The following CCDC171 variants were observed in gnomAD, a reference collection of about 807,000 sequenced individuals.
The protein encoded by CCDC171 is coiled-coil domain containing 171, also known as coiled-coil domain-containing protein 171.
CCDC171 carries 177 observed loss-of-function variants against 168.2 expected under a neutral mutation model. The observed-to-expected ratio is 1.05, with a 90% CI of 0.93 to 1.19. The LOEUF is 1.19. Among genes scored for constraint, CCDC171 ranks in the 50% most tolerant of loss-of-function variants. CCDC171 has a pLI of 0.00. For synonymous variants in CCDC171, 687 were observed against 540.8 expected, an observed-to-expected ratio of 1.27 and a Z score of -3.75; for missense variants, 1,991 against 1,539.0, an observed-to-expected ratio of 1.29 and a Z score of -4.91.
intron 10 of CCDC171, among the ~76,000 whole-genome samples, chr9:15,688,472 A>T (rs937475469): frequency 6.6e-6 from 1 of 152,190 alleles, no homozygotes; most frequent in South Asian, 2.1e-4. Flanking sequence ...AATTCTCAAA[A>T]CTATACTAGC....
At chr9:15,635,735 A>G (rs546207589) in intron 7 of CCDC171, among the ~76,000 whole-genome samples, 1 of 152,350 alleles carries the variant, frequency 6.6e-6, no homozygotes, top group Non-Finnish European at 1.5e-5. Context: ...GCCATAATGA[A>G]TAATGCCACC....
At chr9:16,033,360 C>T (rs1456778764) in intron 6 of CCDC171, among the ~76,000 whole-genome samples, 2 of 152,190 alleles carry the variant, frequency 1.3e-5, no homozygotes, top group African/African-American at 4.8e-5. Context: ...CACTCTCCAT[C>T]GCTCACATTA....
chr9:16,054,203 C>A (rs888576485), intron 1 of CCDC171, among the ~76,000 whole-genome samples: 2 of 152,140 alleles, frequency 1.3e-5, no homozygotes, highest in African/African-American at 4.8e-5. Context: ...AGGGAGTTGC[C>A]CATTCAGGGA....
intron 25 of CCDC171, among the ~76,000 whole-genome samples, chr9:15,956,219 A>G (rs924037176): frequency 3.3e-5 from 5 of 152,192 alleles, no homozygotes; most frequent in Non-Finnish European, 5.9e-5. Flanking sequence ...ATCTTCTCAC[A>G]TTCACAGAAT....
At chr9:15,680,217 G>C (rs1447151711) in intron 10 of CCDC171, among the ~76,000 whole-genome samples, 1 of 152,164 alleles carries the variant, frequency 6.6e-6, no homozygotes, top group African/African-American at 2.4e-5. Context: ...ACATTTGTTC[G>C]ATGGATTTAT....
intron 21 of CCDC171, among the ~76,000 whole-genome samples, chr9:15,841,015 A>T (rs2060656576): frequency 6.6e-6 from 1 of 152,028 alleles, no homozygotes; most frequent in African/African-American, 2.4e-5. Context: ...GACACCATTT[A>T]GGAAGACATT....
chr9:15,571,683 T>TTAC lies in CCDC171; in HGVS notation c.103_105dup (p.Thr35dup). The stretch of plus-strand genomic sequence containing the variant: ...CTTAAAAATGAAACAGAGTTGGATA[T>TTAC]TACTGATAATCTCAGGAAGAAACTC... On this transcript the variant is annotated inframe_insertion, in exon 3 of 26. Coordinates refer to ENST00000380701, the MANE Select transcript of CCDC171 (RefSeq NM_173550.4). 1 of 1,579,644 alleles carries TTAC rather than the reference T, an allele frequency of 6.3e-7. No individual in the cohort carries two copies. The highest frequency in any genetic ancestry group is 8.6e-7 in the Non-Finnish European group (1 of 1,168,334).
chr9:15,971,114 G>A (rs1831320980), intron 25 of CCDC171, among the ~76,000 whole-genome samples: 1 of 152,030 alleles, frequency 6.6e-6, no homozygotes, highest in African/African-American at 2.4e-5. Context: ...AGGTCACTGG[G>A]ATTGGCTTAT....
At chr9:15,887,923 C>T (rs966437095) in intron 24 of CCDC171, 1 of 152,156 alleles carries the variant, frequency 6.6e-6, no homozygotes, top group Non-Finnish European at 1.5e-5. Context: ...TCCATCTTTC[C>T]TAGTTCTTTG....
intron 8 of CCDC171, among the ~76,000 whole-genome samples, chr9:15,661,163 C>A (rs1218065075): frequency 6.6e-6 from 1 of 151,778 alleles, no homozygotes; most frequent in Non-Finnish European, 1.5e-5. Flanking sequence ...GCCTGTAGTC[C>A]CAGCTACTCC....
intron 23 of CCDC171, among the ~76,000 whole-genome samples, chr9:15,868,062 A>C (rs905366689): frequency 6.6e-6 from 1 of 151,960 alleles, no homozygotes; most frequent in Admixed American, 6.6e-5. Flanking sequence ...AATTTGATTC[A>C]AGAGATCAGT....
intron 16 of CCDC171, among the ~76,000 whole-genome samples, chr9:15,741,890 A>G (rs1283199166): frequency 6.6e-6 from 1 of 152,174 alleles, no homozygotes; most frequent in Non-Finnish European, 1.5e-5. Context: ...CTCCATTATT[A>G]AGATACTGAC....
At chr9:15,767,980 C>A (rs573153363) in intron 18 of CCDC171, among the ~76,000 whole-genome samples, 1 of 149,170 alleles carries the variant, frequency 6.7e-6, no homozygotes, top group East Asian at 2.0e-4. Context: ...GGCAGTGCAC[C>A]CACCTCGGTC....
intron 21 of CCDC171, among the ~76,000 whole-genome samples, chr9:15,829,651 G>A (rs1460644548): frequency 6.6e-6 from 1 of 152,150 alleles, no homozygotes; most frequent in Admixed American, 6.5e-5. Flanking sequence ...TGGGCATGGT[G>A]GCTCACACCT....
chr9:15,734,269 C>T (rs2054339975), intron 16 of CCDC171, among the ~76,000 whole-genome samples: 1 of 152,214 alleles, frequency 6.6e-6, no homozygotes, highest in South Asian at 2.1e-4. Context: ...AGTGTGGTGG[C>T]TCATGCCTGT....
chr9:15,561,063 G>A (rs938725465), intron 1 of CCDC171, among the ~76,000 whole-genome samples: 2 of 152,134 alleles, frequency 1.3e-5, no homozygotes, highest in Non-Finnish European at 2.9e-5. Flanking sequence ...CGTCTTTTGT[G>A]TCGCTCACGC....
intron 11 of CCDC171, among the ~76,000 whole-genome samples, chr9:15,707,962 C>A (rs760569507): frequency 3.3e-5 from 5 of 152,216 alleles, no homozygotes; most frequent in Non-Finnish European, 7.3e-5. Flanking sequence ...CTTCTCCAGC[C>A]TCAGCCTCTC....
chr9:15,919,730 G>A (rs1825052823), intron 24 of CCDC171, among the ~76,000 whole-genome samples: 1 of 151,474 alleles, frequency 6.6e-6, no homozygotes, highest in South Asian at 2.1e-4. Context: ...TCCAATGTAA[G>A]GGCATTTCTG....
At chr9:15,703,124 T>G (rs2133907935) in intron 11 of CCDC171, among the ~76,000 whole-genome samples, 1 of 152,306 alleles carries the variant, frequency 6.6e-6, no homozygotes, top group Admixed American at 6.5e-5. Context: ...CAGGCTGGTC[T>G]CGAACTCCTG....
Sources: gnomAD v4.1 joint callset for allele counts (sites outside exome capture counted in the v4.1 genomes callset) on GRCh38, gnomAD v4.1.1 for gene constraint, MANE v1.5 for transcripts, NCBI Gene and HGNC (gene_info 2026-07-23, HGNC 2026-07-21) for gene names.